The following DGKB variants were observed in gnomAD, a reference collection of about 807,000 sequenced individuals.
DGKB encodes the protein diacylglycerol kinase beta.
Under a neutral mutation model 114.3 loss-of-function variants are expected in DGKB, and 67 were observed. The observed-to-expected ratio is 0.59, with a 90% CI of 0.48 to 0.72. The LOEUF (loss-of-function observed/expected upper bound fraction) is 0.72. Among genes scored for constraint, DGKB ranks in the 30% least tolerant of loss-of-function variants. DGKB has a pLI of 0.00. For synonymous variants in DGKB, 398 were observed against 323.1 expected (o/e 1.23, Z -2.49); for missense variants, 907 against 975.2 (o/e 0.93, Z 0.93).
intron 1 of DGKB, among the ~76,000 whole-genome samples, chr7:14,958,193 C>T (rs906451434): frequency 1.3e-5 from 2 of 152,026 alleles, no homozygotes; most frequent in Non-Finnish European, 2.9e-5. Flanking sequence ...GAAACTCACA[C>T]ATCTAACAGG....
rs934586103 is a variant in DGKB at position 14,145,612 on chromosome 7, C to A, written c.*3519G>T. On this transcript the variant is annotated 3_prime_UTR_variant, in exon 26 of 26. Coordinates refer to ENST00000402815, the MANE Select transcript of DGKB (RefSeq NM_001350709.2). ...TAGCTGGGATTACAGGCATGTGCCA[C>A]CATGCCTGGCTAATTTTTGTATTTT... 2.0e-5 allele frequency: 3 copies of A among 152,050 alleles called. No homozygotes were observed. Among genetic ancestry groups the A allele is most frequent in the Admixed American group, 1.3e-4 (2 of 15,246 alleles). 9.4% of individuals were successfully genotyped at this position (152,050 alleles called of 1,614,324 possible). A position where few individuals can be genotyped will look rare whatever the true frequency, so the allele number is the denominator to read the frequency against.
At chr7:14,179,618 C>T (rs987158172) in intron 23 of DGKB, among the ~76,000 whole-genome samples, 1 of 152,158 alleles carries the variant, frequency 6.6e-6, no homozygotes, top group Non-Finnish European at 1.5e-5. Flanking sequence ...GATTTATTTT[C>T]AGTGTAGTTC....
At chr7:14,205,072 A>T (rs1036868786) in intron 23 of DGKB, among the ~76,000 whole-genome samples, 1 of 151,942 alleles carries the variant, frequency 6.6e-6, no homozygotes, top group African/African-American at 2.4e-5. Context: ...TTACAGGCTT[A>T]TTTCCTCTCT....
chr7:14,571,027 C>T (rs529515649), intron 20 of DGKB, among the ~76,000 whole-genome samples: 1 of 152,206 alleles, frequency 6.6e-6, no homozygotes, highest in East Asian at 1.9e-4. Flanking sequence ...CTAACTTTAC[C>T]TACTAGTTAG....
At chr7:14,661,484 GCTAATCAAAACCACAA>G in intron 13 of DGKB, among the ~76,000 whole-genome samples, 1 of 143,890 alleles carries the variant, frequency 6.9e-6, no homozygotes, top group African/African-American at 2.5e-5. Flanking sequence ...TCAGAGAAAT[GCTAATCAAAACCACAA>G]TGAGATACCA....
At chr7:14,551,052 G>C (rs145137025) in intron 20 of DGKB, among the ~76,000 whole-genome samples, 1 of 121,654 alleles carries the variant, frequency 8.2e-6, no homozygotes, top group Non-Finnish European at 1.7e-5. Context: ...GAAAACTGGA[G>C]AAATTCTGTT....
At chr7:14,627,831 T>C (rs997818553) in intron 14 of DGKB, among the ~76,000 whole-genome samples, 1 of 151,660 alleles carries the variant, frequency 6.6e-6, no homozygotes, top group African/African-American at 2.4e-5. Flanking sequence ...TGATCCCAGC[T>C]ACTTTGGCGG....
chr7:14,196,555 T>G (rs1785045217), intron 23 of DGKB, among the ~76,000 whole-genome samples: 1 of 152,152 alleles, frequency 6.6e-6, no homozygotes, highest in Non-Finnish European at 1.5e-5. Flanking sequence ...TAAATTGAAT[T>G]AATGTTGACA....
intron 1 of DGKB, among the ~76,000 whole-genome samples, chr7:14,921,285 T>C (rs1319382429): frequency 6.6e-6 from 1 of 152,142 alleles, no homozygotes; most frequent in Non-Finnish European, 1.5e-5. Flanking sequence ...TCATTAATTA[T>C]AAGAGATGTA....
intron 20 of DGKB, among the ~76,000 whole-genome samples, chr7:14,573,218 G>A (rs956206648): frequency 6.6e-6 from 1 of 152,048 alleles, no homozygotes; most frequent in Non-Finnish European, 1.5e-5. Context: ...AATAATAATA[G>A]TCATTACAGT....
intron 13 of DGKB, among the ~76,000 whole-genome samples, chr7:14,635,122 C>T (rs1810484410): frequency 6.6e-6 from 1 of 151,504 alleles, no homozygotes; most frequent in Admixed American, 6.6e-5. Context: ...GACTACTTCT[C>T]ACCTGACTCA....
intron 20 of DGKB, among the ~76,000 whole-genome samples, chr7:14,572,230 G>T (rs1798493105): frequency 6.6e-6 from 1 of 151,536 alleles, no homozygotes; most frequent in South Asian, 2.1e-4. Context: ...GAGGTGGGCG[G>T]ATCATGAGGT....
At chr7:14,691,314 T>C (rs1051757035) in intron 9 of DGKB, among the ~76,000 whole-genome samples, 6 of 152,158 alleles carry the variant, frequency 3.9e-5, no homozygotes, top group African/African-American at 9.7e-5. Context: ...GAGCTCATAA[T>C]TGACAATAGA....
chr7:14,416,674 C>T (rs1825778290), intron 21 of DGKB, among the ~76,000 whole-genome samples: 1 of 152,070 alleles, frequency 6.6e-6, no homozygotes, highest in Non-Finnish European at 1.5e-5. Context: ...CTCATTCTTT[C>T]TTGTGTGCTG....
chr7:14,262,415 T>G (rs1216051472), intron 23 of DGKB, among the ~76,000 whole-genome samples: 1 of 152,154 alleles, frequency 6.6e-6, no homozygotes, highest in East Asian at 1.9e-4. Context: ...CCCTTCTACT[T>G]TGTGAGGACA....
chr7:14,334,034 G>A (rs1044222480), intron 23 of DGKB, among the ~76,000 whole-genome samples: 2 of 152,076 alleles, frequency 1.3e-5, no homozygotes, highest in Non-Finnish European at 2.9e-5. Flanking sequence ...AATATTTGGG[G>A]GAGTTAATTA....
At position 14,607,486 on chromosome 7, in the gene DGKB, G is replaced by T. The variant is rs1406964626; in HGVS notation, c.1381C>A (p.Leu461Ile). ...CTGTAAACCTGACGAGGATTTAATAGATACTGGAATTTTCTGTAAATTCTA... is the reference window on the plus strand; with the variant it reads ...CTGTAAACCTGACGAGGATTTAATATATACTGGAATTTTCTGTAAATTCTA... ...GERIYRKFQY[L>I]LNPRQVYSLS... The change falls in exon 17 of 26, where the codon CTA (leucine) becomes ATA (isoleucine). Residue 461 changes from leucine (L) to isoleucine (I), a missense_variant. Transcript: ENST00000402815. The T allele has an allele frequency of 6.3e-7, 1 of 1,580,562 alleles. No homozygotes were observed. Among genetic ancestry groups the T allele is most frequent in the Non-Finnish European group, 8.7e-7 (1 of 1,152,436 alleles).
At chr7:14,776,135 G>A (rs1160942489) in intron 2 of DGKB, among the ~76,000 whole-genome samples, 1 of 152,162 alleles carries the variant, frequency 6.6e-6, no homozygotes, top group Non-Finnish European at 1.5e-5. Context: ...TGCCCCTGCT[G>A]TAGATACCTG....
intron 20 of DGKB, among the ~76,000 whole-genome samples, chr7:14,502,494 C>A (rs778690291): frequency 9.2e-5 from 14 of 151,994 alleles, no homozygotes; most frequent in Middle Eastern, 3.2e-3. Context: ...ACATGTTACA[C>A]AATATACAAC....
Sources: allele counts gnomAD v4.1 joint callset (sites outside exome capture counted in the v4.1 genomes callset), GRCh38; gene constraint gnomAD v4.1.1; transcripts MANE v1.5; gene names NCBI Gene and HGNC (gene_info 2026-07-23, HGNC 2026-07-21).